The following ATP5PO variants were observed in gnomAD, a reference collection of about 807,000 sequenced individuals.
The protein encoded by ATP5PO is ATP synthase peripheral stalk subunit OSCP, also known as ATP synthase peripheral stalk subunit OSCP, mitochondrial.
A neutral mutation model predicts 26.2 loss-of-function variants in ATP5PO; 14 were observed. That is an observed-to-expected ratio of 0.53 (90% CI 0.35 to 0.83). The LOEUF (loss-of-function observed/expected upper bound fraction) is 0.83. Among genes scored for constraint, ATP5PO ranks in the 40% least tolerant of loss-of-function variants. The pLI is 0.01. For missense variants in ATP5PO, 241 were observed against 258.5 expected, an observed-to-expected ratio of 0.93 and a Z score of 0.46; for synonymous variants, 106 against 95.1, an observed-to-expected ratio of 1.12 and a Z score of -0.67.
rs59334506 is a variant in ATP5PO at position 33,905,918 on chromosome 21, G to GAAAAAAAAAAAAAAAAAAAA, written c.441+1403_441+1422dup. On this transcript the variant is annotated intron_variant, in intron 5 of 6. Coordinates refer to ENST00000290299, the MANE Select transcript of ATP5PO (RefSeq NM_001697.3). ...CAGAGTGAGACTCAGTCTCAAAAAA[G>GAAAAAAAAAAAAAAAAAAAA]AAAAAAAAAAAAAAAAAAAAGAAAA... 2.0e-4 allele frequency among the ~76,000 whole-genome samples: 20 copies of GAAAAAAAAAAAAAAAAAAAA among 98,438 alleles called. 1 individual carries two copies. Among genetic ancestry groups the GAAAAAAAAAAAAAAAAAAAA allele is most frequent in the Admixed American group, 2.5e-4 (2 of 7,858 alleles). 64.6% of individuals were successfully genotyped at this position (98,438 alleles called of 152,430 possible).
intron 4 of ATP5PO, among the ~76,000 whole-genome samples, chr21:33,908,262 C>CTT (rs1987202100): frequency 6.7e-6 from 1 of 149,200 alleles, no homozygotes; most frequent in African/African-American, 2.5e-5. Context: ...ACTGCACTGA[C>CTT]AAGGATTTAA....
intron 1 of ATP5PO, chr21:33,915,371 T>G (rs1987300166): frequency 6.0e-6 from 2 of 332,894 alleles, no homozygotes; most frequent in Admixed American, 5.3e-5. Flanking sequence ...AAGTGATCTC[T>G]GACAGGTTTT....
intron 3 of ATP5PO, among the ~76,000 whole-genome samples, chr21:33,909,874 G>C (rs1332847780): frequency 6.6e-6 from 1 of 152,140 alleles, no homozygotes; most frequent in African/African-American, 2.4e-5. Context: ...GCTATTTCTA[G>C]AGTGCAGACC....
At position 33,915,413 on chromosome 21, in the gene ATP5PO, C is replaced by G. The variant is rs1987300604; in HGVS notation, c.36+315G>C. The G allele has an allele frequency of 2.3e-5, 10 of 438,354 alleles. No individual in the cohort carries two copies. In the South Asian group the frequency reaches 2.8e-4, roughly 12 times the overall value. The allele number at this position is 438,354 out of a possible 1,614,324, so 27.2% of individuals were successfully genotyped here. ...ATGGCAAAGGAAGCTGATTTGGGGG[C>G]TAGTCCATGCCCCTTCCCCGGAATT... On this transcript the variant is annotated intron_variant, in intron 1 of 6. Coordinates refer to ENST00000290299, the MANE Select transcript of ATP5PO (RefSeq NM_001697.3).
chr21:33,903,591 A>G lies in ATP5PO; in HGVS notation c.577T>C (p.Tyr193His). The G allele has an allele frequency of 6.2e-7, 1 of 1,614,174 alleles. No individual in the cohort carries two copies. The highest frequency in any genetic ancestry group is 1.3e-5 in the African/African-American group (1 of 75,038). Residue 193 changes from tyrosine (Y) to histidine (H), a missense_variant, in exon 7 of 7, where the codon TAT becomes CAT. Around this residue, in one of 3 missense-constraint regions of ATP5PO, gnomAD observed 77 missense variants for 74.5 expected, o/e 1.03. Coordinates refer to ENST00000290299, the MANE Select transcript of ATP5PO (RefSeq NM_001697.3). ...GGMIVRIGEK[Y>H]VDMSVKTKIQ... ...TTGGTCTTGACAGACATGTCAACAT[A>G]TTTCTCGCCAATGCGCACAATCATT... is the stretch of plus-strand genomic sequence containing the variant.
chr21:33,915,746 C>T lies in ATP5PO; in HGVS notation c.18G>A (p.Val6=). The T allele has an allele frequency of 7.0e-6, 11 of 1,577,466 alleles. No individual in the cohort carries two copies. The highest frequency in any genetic ancestry group is 1.2e-5 in the South Asian group (1 of 85,958). The change falls in exon 1 of 7, where the codon GTG becomes GTA. Residue 6 remains valine (V), a synonymous_variant. Transcript: ENST00000290299. ...CTCTCACCTGCCGGGAGAGCCCGGA[C>T]ACTGCTGGGGCAGCCATCTTCTCCC... MAAPA[V]SGLSRQVRCF...
chr21:33,911,183 C>T (rs1205138692), intron 3 of ATP5PO, among the ~76,000 whole-genome samples: 1 of 152,102 alleles, frequency 6.6e-6, no homozygotes, highest in Non-Finnish European at 1.5e-5. Context: ...AACTTGTTAA[C>T]TAGAAAATTC....
At chr21:33,914,663 G>A in intron 1 of ATP5PO, 163 bp from the exon 2 acceptor site, 1 of 593,036 alleles carries the variant, frequency 1.7e-6, no homozygotes, top group Non-Finnish European at 2.9e-6. Flanking sequence ...ATTACTAAGG[G>A]GTAAACTTAC....
At chr21:33,904,987 C>T (rs557485988) in intron 5 of ATP5PO, among the ~76,000 whole-genome samples, 6 of 152,170 alleles carry the variant, frequency 3.9e-5, no homozygotes, top group South Asian at 4.1e-4. Context: ...GTGATCCACC[C>T]GCTGCAGTCT....
intron 4 of ATP5PO, 116 bp from the exon 5 acceptor site, chr21:33,907,569 A>T: frequency 1.3e-6 from 1 of 791,196 alleles, no homozygotes; most frequent in Non-Finnish European, 2.1e-6. Flanking sequence ...CACCATATAC[A>T]GGGGCGCATG....
In ATP5PO at chr21:33,907,463, T is replaced by A. The variant is rs748217688; in HGVS notation, c.329-10A>T. ...TTTTCAGCAAGCAAATCTGCCAGAGTGAAGGTGTCTCAGTAACAAGAAACT... is the reference window on the plus strand; with the variant it reads ...TTTTCAGCAAGCAAATCTGCCAGAGAGAAGGTGTCTCAGTAACAAGAAACT... On this transcript the variant is annotated splice_polypyrimidine_tract_variant and intron_variant, in intron 4 of 6. Coordinates refer to ENST00000290299, the MANE Select transcript of ATP5PO (RefSeq NM_001697.3). The A allele has an allele frequency of 3.2e-5, 52 of 1,607,730 alleles. No individual in the cohort carries two copies. The highest frequency in any genetic ancestry group is 4.1e-5 in the Non-Finnish European group (48 of 1,174,482).
chr21:33,914,708 A>C, intron 1 of ATP5PO: 2 of 516,210 alleles, frequency 3.9e-6, no homozygotes, highest in Non-Finnish European at 6.8e-6. Flanking sequence ...TTGGGAAATC[A>C]CCTTCCCACG....
At position 33,915,730 on chromosome 21, in the gene ATP5PO, G is replaced by A. The variant is rs146520965; in HGVS notation, c.34C>T (p.Gln12Ter). Residue 12 changes from glutamine (Q) to a stop codon, truncating the protein, a stop_gained and splice_region_variant, in exon 1 of 7, where the codon CAG (glutamine) becomes TAG (stop). Coordinates refer to ENST00000290299, the MANE Select transcript of ATP5PO (RefSeq NM_001697.3). LOFTEE classifies it high-confidence loss of function. ...AAPAVSGLSR[Q>*]VRCFSTSVVR... is the part of the protein sequence containing the mutation. ...TCTCAGGACCACCTTTCTCTCACCT[G>A]CCGGGAGAGCCCGGACACTGCTGGG... 3.8e-6 allele frequency: 6 copies of A among 1,574,182 alleles called. No individual in the cohort carries two copies. Among genetic ancestry groups the A allele is most frequent in the Non-Finnish European group, 5.2e-6 (6 of 1,159,760 alleles).
chr21:33,914,339 C>G (rs1023145822), intron 2 of ATP5PO, 111 bp downstream of exon 2: 4 of 1,056,498 alleles, frequency 3.8e-6, no homozygotes, highest in Admixed American at 2.2e-5. Flanking sequence ...CCACAAGTCA[C>G]GCAAAAAGGT....
chr21:33,908,825 T>C (rs1987209372), intron 4 of ATP5PO: 2 of 363,158 alleles, frequency 5.5e-6, no homozygotes, highest in East Asian at 4.2e-5. Flanking sequence ...GCCTCCACAG[T>C]TGAAACTACT....
intron 5 of ATP5PO, among the ~76,000 whole-genome samples, chr21:33,906,286 T>C (rs1422698129): frequency 6.6e-6 from 1 of 152,190 alleles, no homozygotes; most frequent in East Asian, 1.9e-4. Context: ...ACTCCCCTGT[T>C]TTCCTGTAGG....
chr21:33,912,482 T>C, intron 2 of ATP5PO, 83 bp from the exon 3 acceptor site: 1 of 919,526 alleles, frequency 1.1e-6, no homozygotes, highest in Non-Finnish European at 1.6e-6. Context: ...ATTTAAAATT[T>C]ATATTTTAAA....
At position 33,906,425 on chromosome 21, in the gene ATP5PO, C is replaced by A. The variant is rs958758649; in HGVS notation, c.441+916G>T. The A allele has an allele frequency of 9.3e-6, 3 of 322,202 alleles. No individual in the cohort carries two copies. The East Asian group carries it at 2.8e-4, about 30-fold the overall frequency. 20.0% of individuals were successfully genotyped at this position (322,202 alleles called of 1,614,324 possible). A position where few individuals can be genotyped will look rare whatever the true frequency, so the allele number is the denominator to read the frequency against. ...AATGGACTTCTAAGAGGCCTTGAGG[C>A]CTGTGTTCAAATTCTAGTCCCACCT... On this transcript the variant is annotated intron_variant, in intron 5 of 6. Transcript: ENST00000290299.
At chr21:33,908,195 G>C (rs1399086999) in intron 4 of ATP5PO, among the ~76,000 whole-genome samples, 2 of 149,524 alleles carry the variant, frequency 1.3e-5, no homozygotes, top group Non-Finnish European at 3.0e-5. Flanking sequence ...AAAAAAGAAT[G>C]GAGAAGATAC....
Sources: gnomAD v4.1 joint callset for allele counts (sites outside exome capture counted in the v4.1 genomes callset) on GRCh38, gnomAD v4.1.1 for gene constraint, gnomAD v4.1.1 regional missense constraint, MANE v1.5 for transcripts, NCBI Gene and HGNC (gene_info 2026-07-23, HGNC 2026-07-21) for gene names.